Variants in SLC30A8 observed in about 807,000 individuals in gnomAD.
The protein encoded by SLC30A8 is solute carrier family 30 member 8, also known as proton-coupled zinc antiporter SLC30A8.
Under a neutral mutation model 36.9 loss-of-function variants are expected in SLC30A8, and 27 were observed. The ratio of observed to expected loss-of-function variants is 0.73; its 90% CI spans 0.54 to 1.01. The LOEUF is 1.01. SLC30A8 is among the 50% of genes least tolerant of loss of function. The pLI is 0.00. For missense variants in SLC30A8, 439 were observed against 452.0 expected, an observed-to-expected ratio of 0.97 and a Z score of 0.26; for synonymous variants, 164 against 172.4, an observed-to-expected ratio of 0.95 and a Z score of 0.38.
At chr8:117,015,517 A>G (rs1816486095) in intron 1 of SLC30A8, among the ~76,000 whole-genome samples, 1 of 146,106 alleles carries the variant, frequency 6.8e-6, no homozygotes, top group African/African-American at 2.6e-5. Flanking sequence ...TTACAGTAAT[A>G]AATTAGATGC....
chr8:117,156,584 C>T (rs1382063551), intron 3 of SLC30A8, among the ~76,000 whole-genome samples: 3 of 152,124 alleles, frequency 2.0e-5, no homozygotes, highest in Non-Finnish European at 4.4e-5. Context: ...AGAAATGTTC[C>T]ACAGTTGGTT....
chr8:117,060,445 C>T (rs1817994960), intron 2 of SLC30A8, among the ~76,000 whole-genome samples: 2 of 152,146 alleles, frequency 1.3e-5, no homozygotes, highest in Admixed American at 1.3e-4. Context: ...ATGAGAGTGG[C>T]AGTAAAAACC....
At chr8:117,131,021 C>T (rs940059361), upstream of SLC30A8, among the ~76,000 whole-genome samples, 12 of 151,926 alleles carry the variant, frequency 7.9e-5, no homozygotes, top group African/African-American at 2.7e-4. Flanking sequence ...TCTTTCTATT[C>T]TTAACAAATA....
At chr8:117,151,685 A>G (rs17745556) in intron 2 of SLC30A8, among the ~76,000 whole-genome samples, 5,157 of 152,296 alleles carry the variant, frequency 0.034, 212 homozygotes, top group African/African-American at 0.09. Context: ...AGCACATAGA[A>G]TCGTCATCAC....
chr8:117,164,823 C>T (rs1488324151), intron 6 of SLC30A8, among the ~76,000 whole-genome samples: 1 of 152,088 alleles, frequency 6.6e-6, no homozygotes, highest in Non-Finnish European at 1.5e-5. Context: ...TCTACAGCCC[C>T]ATTATCCTTG....
chr8:117,157,906 A>T (rs1169396634), intron 4 of SLC30A8, 62 bp downstream of exon 4: 24 of 1,575,012 alleles, frequency 1.5e-5, no homozygotes, highest in Non-Finnish European at 2.1e-5. Flanking sequence ...ATCTGGACAA[A>T]GTCGACCTTT....
At chr8:117,010,219 G>A (rs1177970561) in intron 1 of SLC30A8, among the ~76,000 whole-genome samples, 1 of 152,214 alleles carries the variant, frequency 6.6e-6, no homozygotes, top group Non-Finnish European at 1.5e-5. Context: ...AGGCAAAGCG[G>A]TTAGGCTCTG....
rs574154961 is a variant in SLC30A8 at position 117,071,779 on chromosome 8, T to C, written c.-226+32521T>C. Among the ~76,000 whole-genome samples, 94 of 152,320 alleles carry C rather than the reference T, an allele frequency of 6.2e-4. 2 individuals are homozygous for C. The highest frequency in any genetic ancestry group is 2.1e-3 in the South Asian group (10 of 4,826). ...TTTATTCCTCAAATACTCATTGATA[T>C]CATGTTAAATGAAAGTTTAATATCC... is the stretch of plus-strand genomic sequence containing the variant. On this transcript the variant is annotated intron_variant, in intron 2 of 10. Coordinates refer to the SLC30A8 transcript ENST00000427715.
chr8:117,139,503 C>T (rs1821541946), intron 1 of SLC30A8, among the ~76,000 whole-genome samples: 1 of 152,104 alleles, frequency 6.6e-6, no homozygotes, highest in Non-Finnish European at 1.5e-5. Flanking sequence ...TGAGAAAATA[C>T]ATTTTTGTTG....
chr8:117,109,984 C>T (rs369562429), intron 2 of SLC30A8, among the ~76,000 whole-genome samples: 10 of 152,286 alleles, frequency 6.6e-5, no homozygotes, highest in African/African-American at 2.4e-4. Context: ...TTTCCAAGCC[C>T]TCTCTGTTTT....
intron 2 of SLC30A8, among the ~76,000 whole-genome samples, chr8:117,104,200 C>A (rs1044771121): frequency 1.3e-5 from 2 of 152,146 alleles, no homozygotes; most frequent in Admixed American, 6.6e-5. Flanking sequence ...TGAGAATTTT[C>A]TAAATCATCT....
chr8:117,037,608 A>T (rs1299786737), intron 1 of SLC30A8, among the ~76,000 whole-genome samples: 1 of 152,174 alleles, frequency 6.6e-6, no homozygotes, highest in Non-Finnish European at 1.5e-5. Context: ...TCCCCCTCCC[A>T]CAGAGTTGGT....
chr8:117,003,479 A>G (rs565573254), intron 1 of SLC30A8, among the ~76,000 whole-genome samples: 1 of 152,176 alleles, frequency 6.6e-6, no homozygotes, highest in East Asian at 1.9e-4. Context: ...AGATATTGAT[A>G]CCTATCATGA....
At chr8:117,104,989 G>A (rs1451230467) in intron 2 of SLC30A8, among the ~76,000 whole-genome samples, 1 of 152,088 alleles carries the variant, frequency 6.6e-6, no homozygotes, top group Non-Finnish European at 1.5e-5. Flanking sequence ...ATTATAATTA[G>A]CGTATAATGA....
chr8:117,141,692 A>G (rs1479576226), intron 1 of SLC30A8, among the ~76,000 whole-genome samples: 1 of 152,158 alleles, frequency 6.6e-6, no homozygotes, highest in Non-Finnish European at 1.5e-5. Context: ...TATCATAATT[A>G]TGGTGAAAGC....
intron 1 of SLC30A8, among the ~76,000 whole-genome samples, chr8:116,979,224 G>A (rs113105741): frequency 0.034 from 4,196 of 122,272 alleles, 219 homozygotes; most frequent in African/African-American, 0.13. Context: ...GGGCAATAGC[G>A]TGAGACCCTG....
At chr8:117,077,611 CT>C (rs1248165699) in intron 2 of SLC30A8, among the ~76,000 whole-genome samples, 1 of 152,092 alleles carries the variant, frequency 6.6e-6, no homozygotes, top group African/African-American at 2.4e-5. Context: ...TGGGATGTAC[CT>C]TTTAATTGAT....
intron 1 of SLC30A8, among the ~76,000 whole-genome samples, chr8:117,024,917 A>T (rs978439827): frequency 6.6e-6 from 1 of 152,180 alleles, no homozygotes; most frequent in South Asian, 2.1e-4. Flanking sequence ...TCACCTGGGT[A>T]TTAAGCCCAG....
At chr8:116,997,808 G>C (rs1815871989) in intron 1 of SLC30A8, among the ~76,000 whole-genome samples, 1 of 152,148 alleles carries the variant, frequency 6.6e-6, no homozygotes, top group Non-Finnish European at 1.5e-5. Context: ...AGTGAGCATA[G>C]ATGGGCCTCC....
Sources: gnomAD v4.1 joint callset for allele counts (sites outside exome capture counted in the v4.1 genomes callset) on GRCh38, gnomAD v4.1.1 for gene constraint, MANE v1.5 for transcripts, NCBI Gene and HGNC (gene_info 2026-07-23, HGNC 2026-07-21) for gene names.